The following BST1 variants were observed in gnomAD, a reference collection of about 807,000 sequenced individuals.
BST1 encodes the protein ADP-ribosyl cyclase/cyclic ADP-ribose hydrolase 2.
In BST1, 49 loss-of-function variants were observed where a neutral mutation model predicts 40.6. The observed-to-expected ratio is 1.21, with a 90% CI of 0.96 to 1.53. The LOEUF (loss-of-function observed/expected upper bound fraction) is 1.53, where lower values mean the gene tolerates loss of function less well. Among genes scored for constraint, BST1 ranks in the 40% most tolerant of loss-of-function variants. The probability of loss-of-function intolerance (pLI) is 0.00; values close to 1 mark genes in which losing one functional copy is unlikely to be tolerated. For synonymous variants in BST1, 157 were observed against 159.3 expected (o/e 0.99, Z 0.11); for missense variants, 423 against 395.9 (o/e 1.07, Z -0.58).
Position 15,715,356 on chromosome 4 carries a change from C to G in BST1, c.606C>G (p.Ile202Met). The change falls in exon 5 of 9, where the codon ATC (isoleucine) becomes ATG (methionine). Residue 202 changes from isoleucine (I) to methionine (M), a missense_variant. Ile to Met is a conservative substitution (Grantham distance 10). Coordinates refer to ENST00000265016, the MANE Select transcript of BST1 (RefSeq NM_004334.3). ...CAGAGCCAACAGGAGCCTATCCCAT[C>G]AAAGGGTAAGAACACCAGCACATTC... The part of the protein sequence containing the change: ...NGSEPTGAYP[I>M]KGFFADYEIP... The G allele has an allele frequency of 1.9e-6, 3 of 1,614,028 alleles. No homozygotes were observed. The highest frequency in any genetic ancestry group is 2.5e-6 in the Non-Finnish European group (3 of 1,179,900).
intron 1 of BST1, among the ~76,000 whole-genome samples, chr4:15,704,046 T>G (rs1188943171): frequency 2.2e-5 from 3 of 137,200 alleles, no homozygotes; most frequent in Non-Finnish European, 4.6e-5. Flanking sequence ...TAGAGGTGTG[T>G]GTGTATCTGT....
chr4:15,710,301 T>A (rs1174057050), intron 3 of BST1, among the ~76,000 whole-genome samples: 1 of 152,144 alleles, frequency 6.6e-6, no homozygotes, highest in Admixed American at 6.5e-5. Flanking sequence ...TTTAATTTTA[T>A]TTTTGATTTA....
chr4:15,734,706 T>A (rs1439487935), downstream of BST1, among the ~76,000 whole-genome samples: 1 of 152,110 alleles, frequency 6.6e-6, no homozygotes, highest in African/African-American at 2.4e-5. Context: ...ACTGGTTGCC[T>A]AAGGGTCAGT....
downstream of BST1, among the ~76,000 whole-genome samples, chr4:15,739,252 T>C (rs978490977): frequency 3.3e-5 from 5 of 152,236 alleles, no homozygotes; most frequent in African/African-American, 1.2e-4. Flanking sequence ...CCATAATTAC[T>C]CATTACTTGA....
At chr4:15,707,413 T>A in intron 2 of BST1, 98 bp from the exon 3 acceptor site, 1 of 1,424,766 alleles carries the variant, frequency 7.0e-7, no homozygotes, top group South Asian at 1.2e-5. Context: ...CAGAGTTGAA[T>A]GAGAACTGGA....
At chr4:15,706,337 C>T (rs1490404803) in intron 2 of BST1, among the ~76,000 whole-genome samples, 4 of 152,230 alleles carry the variant, frequency 2.6e-5, no homozygotes, top group Non-Finnish European at 5.9e-5. Flanking sequence ...TCTAAATAAC[C>T]TTCATCCTAA....
chr4:15,745,973 T>A, the BST1 span, among the ~76,000 whole-genome samples: 1 of 152,242 alleles, frequency 6.6e-6, no homozygotes, highest in Non-Finnish European at 1.5e-5. Flanking sequence ...TCTTTTAGAC[T>A]ACATAGGGAT....
chr4:15,767,354 A>G, the BST1 span, among the ~76,000 whole-genome samples: 2 of 150,368 alleles, frequency 1.3e-5, no homozygotes, highest in African/African-American at 4.9e-5. Flanking sequence ...ACCAGGCTGG[A>G]GTGTAATGGT....
At chr4:15,709,403 C>T (rs1419508278) in intron 3 of BST1, among the ~76,000 whole-genome samples, 2 of 152,220 alleles carry the variant, frequency 1.3e-5, no homozygotes, top group Non-Finnish European at 1.5e-5. Flanking sequence ...GGCCAGGTGG[C>T]ACAGGATGTT....
the BST1 span, among the ~76,000 whole-genome samples, chr4:15,753,290 C>T: frequency 6.6e-6 from 1 of 152,126 alleles, no homozygotes; most frequent in East Asian, 1.9e-4. Flanking sequence ...TATGTCAGAG[C>T]TGATAGCATG....
At chr4:15,758,503 T>C in the BST1 span, among the ~76,000 whole-genome samples, 3 of 148,266 alleles carry the variant, frequency 2.0e-5, no homozygotes, top group Admixed American at 6.7e-5. Flanking sequence ...TGTGGAATAC[T>C]ATGCAGCCAT....
At chr4:15,765,868 A>G in the BST1 span, among the ~76,000 whole-genome samples, 1 of 151,964 alleles carries the variant, frequency 6.6e-6, no homozygotes, top group South Asian at 2.1e-4. Flanking sequence ...CGCATGTGCT[A>G]TGGTTTACTT....
exon 7 of BST1, chr4:15,737,941 T>C (rs1721630639): frequency 1.9e-6 from 1 of 531,572 alleles, no homozygotes; most frequent in South Asian, 1.7e-5. Flanking sequence ...TCCGTCCACA[T>C]GAATGCTCTC....
At chr4:15,744,701 T>C in the BST1 span, among the ~76,000 whole-genome samples, 1 of 152,052 alleles carries the variant, frequency 6.6e-6, no homozygotes, top group African/African-American at 2.4e-5. Context: ...GGCAGAGGAG[T>C]GCTGGAGCTG....
At chr4:15,748,050 C>T in the BST1 span, among the ~76,000 whole-genome samples, 1 of 152,134 alleles carries the variant, frequency 6.6e-6, no homozygotes, top group Admixed American at 6.6e-5. Flanking sequence ...GTATTAGGAC[C>T]AGCTCTAAGT....
the BST1 span, among the ~76,000 whole-genome samples, chr4:15,769,390 G>C: frequency 6.6e-6 from 1 of 152,218 alleles, no homozygotes; most frequent in African/African-American, 2.4e-5. Context: ...TGTTGGCATG[G>C]AGCTGCCCTT....
At chr4:15,715,832 C>T (rs1475720003) in intron 6 of BST1, 33 bp downstream of exon 6, 2 of 1,443,306 alleles carry the variant, frequency 1.4e-6, no homozygotes, top group East Asian at 2.4e-5. Context: ...ATGATAATTG[C>T]ACAAGTTTGT....
At chr4:15,746,022 G>A in the BST1 span, among the ~76,000 whole-genome samples, 4 of 152,194 alleles carry the variant, frequency 2.6e-5, no homozygotes, top group African/African-American at 4.8e-5. Context: ...GGGCAAGATG[G>A]TGAGTTACCT....
At chr4:15,751,616 A>G in the BST1 span, among the ~76,000 whole-genome samples, 3 of 152,022 alleles carry the variant, frequency 2.0e-5, no homozygotes, top group Non-Finnish European at 4.4e-5. Flanking sequence ...CACTATATCT[A>G]TGTATATAGA....
Sources: allele counts gnomAD v4.1 joint callset (sites outside exome capture counted in the v4.1 genomes callset), GRCh38; gene constraint gnomAD v4.1.1; transcripts MANE v1.5; gene names NCBI Gene and HGNC (gene_info 2026-07-23, HGNC 2026-07-21).